NHSL1: variants seen among roughly 807,000 people sequenced by gnomAD.
NHSL1 encodes the protein NHS-like protein 1.
In NHSL1, 48 loss-of-function variants were observed where a neutral mutation model predicts 95.0. The ratio of observed to expected loss-of-function variants is 0.51; its 90% CI spans 0.40 to 0.64. The LOEUF (loss-of-function observed/expected upper bound fraction) is 0.64, where lower values mean the gene tolerates loss of function less well. Among genes scored for constraint, NHSL1 ranks in the 30% least tolerant of loss-of-function variants. The pLI is 0.00. For synonymous variants in NHSL1, 783 were observed against 833.9 expected, an observed-to-expected ratio of 0.94 and a Z score of 1.05; for missense variants, 1,971 against 2,077.7, an observed-to-expected ratio of 0.95 and a Z score of 1.00.
chr6:138,441,103 T>G (rs893984462), intron 5 of NHSL1, among the ~76,000 whole-genome samples: 10 of 152,216 alleles, frequency 6.6e-5, no homozygotes, highest in Non-Finnish European at 1.3e-4. Flanking sequence ...AGGTAGGTTC[T>G]ATTAACATCA....
chr6:138,480,347 G>T (rs1452115375), intron 2 of NHSL1, among the ~76,000 whole-genome samples: 1 of 152,184 alleles, frequency 6.6e-6, no homozygotes, highest in East Asian at 1.9e-4. Flanking sequence ...TTTGGTTTCG[G>T]TTGCAGGACC....
intron 1 of NHSL1, among the ~76,000 whole-genome samples, chr6:138,581,860 GA>G (rs912103209): frequency 9.3e-5 from 14 of 149,896 alleles, no homozygotes; most frequent in African/African-American, 2.9e-4. Context: ...TCTGAATGAG[GA>G]AAAAAAATTA....
rs1464099817 is a variant in NHSL1 at position 138,431,115 on chromosome 6, T to C, written c.3230A>G (p.Gln1077Arg). 2 of 1,551,800 alleles carry C rather than the reference T, an allele frequency of 1.3e-6. No homozygotes were observed. Among genetic ancestry groups the C allele is most frequent in the Admixed American group, 2.0e-5 (1 of 51,006 alleles). ...LITTEALQMV[Q>R]LRPVRKNSGA... ...TGAGTTCTTTCTCACGGGCCTCAAC[T>C]GCACCATCTGCAATGCTTCCGTGGT... is the stretch of plus-strand genomic sequence containing the variant. The change falls in exon 6 of 8, where the codon CAG becomes CGG. Residue 1077 changes from glutamine to arginine, a missense_variant. This residue lies in a region of NHSL1 where 1,602 missense variants were observed against 1,654.5 expected (regional missense o/e 0.97). Transcript: ENST00000343505. This position sits in a 1 kb window ranked among gnomAD's most constrained non-coding sequence, Gnocchi z 4.0.
chr6:138,670,574 G>A (rs1387580253), intron 1 of NHSL1, among the ~76,000 whole-genome samples: 1 of 147,142 alleles, frequency 6.8e-6, no homozygotes, highest in South Asian at 2.2e-4. Flanking sequence ...GCTGAGGCAG[G>A]AGAATGGCGT....
chr6:138,442,099 C>G lies in NHSL1; in HGVS notation c.548G>C (p.Arg183Pro), dbSNP rs191116854. The G allele has an allele frequency of 1.9e-6, 3 of 1,549,230 alleles. No homozygotes were observed. Among genetic ancestry groups the G allele is most frequent in the Admixed American group, 2.0e-5 (1 of 50,592 alleles). Residue 183 changes from arginine to proline, a missense_variant, in exon 5 of 8, where the codon CGC becomes CCC. This residue lies in a region of NHSL1 where 1,602 missense variants were observed against 1,654.5 expected (regional missense o/e 0.97). Transcript: ENST00000343505. The stretch of plus-strand genomic sequence containing the variant: ...TAGAGACCGCCGAAGGCTGGCCTGG[C>G]GATCGAAATTCTCCCCTAATGTAGA... ...PINITGENFD[R>P]QASLRRSLIY...
At chr6:138,548,091 G>A (rs1000458020), upstream of NHSL1, among the ~76,000 whole-genome samples, 5 of 151,518 alleles carry the variant, frequency 3.3e-5, no homozygotes, top group South Asian at 4.2e-4. Flanking sequence ...CAAGCAATTC[G>A]CTGCCTCAGC....
Position 138,432,068 on chromosome 6 carries a change from C to T in NHSL1, c.2277G>A (p.Leu759=). Residue 759 remains leucine, a synonymous_variant, in exon 6 of 8, where the codon CTG becomes CTA. Coordinates refer to ENST00000343505, the MANE Select transcript of NHSL1 (RefSeq NM_001144060.2). The surrounding 1 kb of genome is among the most constrained non-coding windows in gnomAD (Gnocchi z 4.4). ...TSATTPNVYS[L]CGATPSQSDT... Reference sequence around the variant, plus strand: ...CACTCTGCGATGGCGTGGCCCCGCACAGGGAGTAGACATTGGGGGTGGTGG... The same window carrying T: ...CACTCTGCGATGGCGTGGCCCCGCATAGGGAGTAGACATTGGGGGTGGTGG... The T allele has an allele frequency of 6.4e-7, 1 of 1,551,702 alleles. No individual in the cohort carries two copies. The highest frequency in any genetic ancestry group is 8.7e-7 in the Non-Finnish European group (1 of 1,146,990).
chr6:138,514,757 A>G (rs961051934), intron 1 of NHSL1, among the ~76,000 whole-genome samples: 1 of 152,108 alleles, frequency 6.6e-6, no homozygotes, highest in African/African-American at 2.4e-5. Context: ...GTCTCTACAA[A>G]AAATAAAAAA....
chr6:138,584,842 G>T (rs1282500662), intron 1 of NHSL1, among the ~76,000 whole-genome samples: 2 of 152,294 alleles, frequency 1.3e-5, no homozygotes, highest in African/African-American at 2.4e-5. Context: ...GGAGACATTT[G>T]TTCCAGAGAT....
At chr6:138,459,015 A>G (rs1246129078) in intron 3 of NHSL1, among the ~76,000 whole-genome samples, 1 of 151,952 alleles carries the variant, frequency 6.6e-6, no homozygotes, top group Admixed American at 6.6e-5. Flanking sequence ...TTTGTTTTTG[A>G]GAAAAGAGTC....
intron 1 of NHSL1, among the ~76,000 whole-genome samples, chr6:138,583,054 C>T (rs545560748): frequency 1.3e-5 from 2 of 152,320 alleles, no homozygotes; most frequent in East Asian, 3.9e-4. Context: ...TGGCTCTCCC[C>T]GTGTGCCTGA....
intron 2 of NHSL1, among the ~76,000 whole-genome samples, chr6:138,484,279 G>A (rs1779594842): frequency 6.6e-6 from 1 of 152,132 alleles, no homozygotes; most frequent in Admixed American, 6.6e-5. Flanking sequence ...TAGGCGGGGA[G>A]TAAGATGTAA....
At chr6:138,477,298 A>G (rs1455533121) in intron 2 of NHSL1, among the ~76,000 whole-genome samples, 1 of 152,212 alleles carries the variant, frequency 6.6e-6, no homozygotes, top group Non-Finnish European at 1.5e-5. Context: ...AATGAACCCT[A>G]TAAGAAGTTT....
upstream of NHSL1, among the ~76,000 whole-genome samples, chr6:138,500,650 TA>T (rs900531037): frequency 1.6e-4 from 25 of 151,748 alleles, no homozygotes; most frequent in African/African-American, 6.0e-4. Context: ...AAAATTTATA[TA>T]AGGGGCTCTG....
At chr6:138,583,928 C>T (rs1197573214) in intron 1 of NHSL1, among the ~76,000 whole-genome samples, 1 of 152,008 alleles carries the variant, frequency 6.6e-6, no homozygotes, top group East Asian at 1.9e-4. Context: ...GTAAGACACT[C>T]CCCACACCCC....
upstream of NHSL1, among the ~76,000 whole-genome samples, chr6:138,575,281 G>A (rs1783951127): frequency 6.6e-6 from 1 of 152,176 alleles, no homozygotes; most frequent in Non-Finnish European, 1.5e-5. Flanking sequence ...ACACACAGCA[G>A]CAAAGGTGAA....
chr6:138,500,802 A>C (rs1190449108), upstream of NHSL1, among the ~76,000 whole-genome samples: 1 of 152,154 alleles, frequency 6.6e-6, no homozygotes, highest in African/African-American at 2.4e-5. Context: ...TTATTTTTTC[A>C]ACAACAACAA....
intron 3 of NHSL1, among the ~76,000 whole-genome samples, chr6:138,462,650 T>C (rs577687308): frequency 6.6e-6 from 1 of 152,266 alleles, no homozygotes; most frequent in Non-Finnish European, 1.5e-5. Context: ...GAAATATTAC[T>C]TGGGAGAGTG....
intron 2 of NHSL1, among the ~76,000 whole-genome samples, chr6:138,479,089 G>A (rs2128256632): frequency 6.6e-6 from 1 of 152,202 alleles, no homozygotes; most frequent in South Asian, 2.1e-4. Flanking sequence ...GACCCCTGGT[G>A]GATGCCTGAA....
Sources: allele counts gnomAD v4.1 joint callset (sites outside exome capture counted in the v4.1 genomes callset), GRCh38; gene constraint gnomAD v4.1.1; regional missense constraint gnomAD v4.1.1; non-coding constraint Gnocchi (gnomAD v3.1); transcripts MANE v1.5; gene names NCBI Gene and HGNC (gene_info 2026-07-23, HGNC 2026-07-21).